PLEKHG2: variants seen among roughly 807,000 people sequenced by gnomAD.
PLEKHG2 encodes the protein pleckstrin homology and RhoGEF domain containing G2, also known as pleckstrin homology domain-containing family G member 2.
PLEKHG2 carries 71 observed loss-of-function variants against 104.4 expected under a neutral mutation model. That is an observed-to-expected ratio of 0.68 (90% CI 0.56 to 0.83). The LOEUF (loss-of-function observed/expected upper bound fraction) is 0.83, where lower values mean the gene tolerates loss of function less well. Ranked by LOEUF, PLEKHG2 falls within the 40% of genes least tolerant of loss-of-function variation. The pLI is 0.00. For synonymous variants in PLEKHG2, 728 were observed against 737.0 expected (o/e 0.99, Z 0.20); for missense variants, 1,730 against 1,809.4 (o/e 0.96, Z 0.80).
In PLEKHG2 at chr19:39,416,443, C is replaced by G. The variant is rs1172557726; in HGVS notation, c.546+29C>G. ...AGTGGAGGGGTGGGGGGCTCTCGGT[C>G]CTGGATGGGGCCTTTGTAGAGGGGG... On this transcript the variant is annotated intron_variant, in intron 5 of 18. Transcript: ENST00000425673. The surrounding 1 kb of genome is among the most constrained non-coding windows in gnomAD (Gnocchi z 4.5). 5 of 1,612,094 alleles carry G rather than the reference C, an allele frequency of 3.1e-6. No homozygotes were observed. The highest frequency in any genetic ancestry group is 4.2e-6 in the Non-Finnish European group (5 of 1,179,250).
Position 39,426,902 on chromosome 19 carries a change from G to A in PLEKHG2, c.*1608G>A, listed in dbSNP as rs1451193630. 1 of 150,736 alleles carries A rather than the reference G, an allele frequency of 6.6e-6. No homozygotes were observed. The highest frequency in any genetic ancestry group is 1.5e-5 in the Non-Finnish European group (1 of 67,906). 9.3% of individuals were successfully genotyped at this position (150,736 alleles called of 1,614,324 possible). ...TCTGTCACCCAGGCTTGAGTGCAGT[G>A]GCAAAATCTTGGCTCATTGCAACCT... On this transcript the variant is annotated 3_prime_UTR_variant, in exon 19 of 19. Transcript: ENST00000425673.
intron 8 of PLEKHG2, 25 bp from the exon 9 acceptor site, chr19:39,417,880 G>GGC: frequency 6.5e-7 from 1 of 1,528,772 alleles, no homozygotes; most frequent in Non-Finnish European, 8.8e-7. Flanking sequence ...TCTGCGCCCC[G>GGC]GCGCACCTGG....
Position 39,423,423 on chromosome 19 carries a change from T to G in PLEKHG2, c.2369T>G (p.Ile790Ser). 1 of 1,611,026 alleles carries G rather than the reference T, an allele frequency of 6.2e-7. No homozygotes were observed. The highest frequency in any genetic ancestry group is 8.5e-7 in the Non-Finnish European group (1 of 1,178,484). The stretch of plus-strand genomic sequence containing the variant: ...CCAGGCTTCCCAGAGCCACTGCTGA[T>G]CCTGGAGGATTCGGATCTGGGTGGA... ...ARPGFPEPLLILEDSDLGGDS... is the reference protein window; with the variant it reads ...ARPGFPEPLLSLEDSDLGGDS... The change falls in exon 18 of 19, where the codon ATC becomes AGC. Residue 790 changes from isoleucine to serine, a missense_variant. Ile to Ser is a moderately radical substitution (Grantham distance 142). Coordinates refer to ENST00000425673, the MANE Select transcript of PLEKHG2 (RefSeq NM_022835.3).
In PLEKHG2 at chr19:39,417,914, C is replaced by T. The variant is rs776165402; in HGVS notation, c.892C>T (p.Arg298Trp). 1.6e-5 allele frequency: 24 copies of T among 1,540,770 alleles called. No homozygotes were observed. Among genetic ancestry groups the T allele is most frequent in the African/African-American group, 4.1e-5 (3 of 72,926 alleles). The change falls in exon 9 of 19, where the codon CGG (arginine) becomes TGG (tryptophan). Residue 298 changes from arginine to tryptophan, a missense_variant. Coordinates refer to ENST00000425673, the MANE Select transcript of PLEKHG2 (RefSeq NM_022835.3). ...EHAARLQEVQ[R>W]RLGGWTGPEL... ...GGCGGGGTCCCGGCAGGAAGTGCAG[C>T]GGCGGCTGGGTGGCTGGACCGGACC...
intron 11 of PLEKHG2, among the ~76,000 whole-genome samples, chr19:39,419,740 G>A (rs183246825): frequency 6.6e-6 from 1 of 152,154 alleles, no homozygotes; most frequent in Non-Finnish European, 1.5e-5. Context: ...AGCCAGGCGT[G>A]GTGGCAGGTG....
chr19:39,421,254 TTCTC>T (rs773673039), intron 15 of PLEKHG2, 25 bp from the exon 16 acceptor site: 5 of 1,613,392 alleles, frequency 3.1e-6, no homozygotes, highest in East Asian at 2.2e-5. Flanking sequence ...TCACTAATGC[TTCTC>T]TCTCTCTCAT....
Position 39,415,795 on chromosome 19 carries a change from T to C in PLEKHG2, c.479+356T>C, listed in dbSNP as rs940968104. Among the ~76,000 whole-genome samples the C allele has an allele frequency of 6.6e-6, 1 of 152,106 alleles. No individual in the cohort carries two copies. The highest frequency in any genetic ancestry group is 1.5e-5 in the Non-Finnish European group (1 of 68,010). On this transcript the variant is annotated intron_variant, in intron 4 of 18. Transcript: ENST00000425673. This position sits in a 1 kb window ranked among gnomAD's most constrained non-coding sequence, Gnocchi z 4.6. Reference sequence around the variant, plus strand: ...CGGCATCAGGACGAGTCCTTGGGGCTGTGTCAGGTCTGGGCTCACGATGAA... The same window carrying C: ...CGGCATCAGGACGAGTCCTTGGGGCCGTGTCAGGTCTGGGCTCACGATGAA...
Position 39,422,251 on chromosome 19 carries a change from T to C in PLEKHG2, c.1640T>C (p.Leu547Pro). Residue 547 changes from leucine (L) to proline (P), a missense_variant, in exon 17 of 19, where the codon CTG (leucine) becomes CCG (proline). By Grantham distance (98) the Leu-to-Pro change is moderately conservative. Transcript: ENST00000425673. ...GGGACCTCAATCACTGAAGAAATCC[T>C]GGAACTGCTGAATCAGCGAGGCCTT... The part of the protein sequence containing the change: ...PSGTSITEEI[L>P]ELLNQRGLRD... 6.2e-7 allele frequency: 1 copy of C among 1,613,554 alleles called. No individual in the cohort carries two copies. Among genetic ancestry groups the C allele is most frequent in the East Asian group, 2.2e-5 (1 of 44,868 alleles).
chr19:39,415,020 C>G lies in PLEKHG2; in HGVS notation c.138C>G (p.Pro46=), dbSNP rs144626871. 4.7e-4 allele frequency: 754 copies of G among 1,597,982 alleles called. 4 individuals carry two copies. The East Asian group carries it at 0.016, about 34-fold the overall frequency. The change falls in exon 3 of 19, where the codon CCC becomes CCG. Residue 46 remains proline, a synonymous_variant. Transcript: ENST00000425673. The surrounding 1 kb of genome is among the most constrained non-coding windows in gnomAD (Gnocchi z 4.6). The part of the protein sequence containing the change: ...TAPAAPTMAS[P]RGSGSSTSLS... ...CTGCAGCCCCCACCATGGCCTCCCC[C>G]CGAGGTTCTGGGAGCTCCACATCCC...
At position 39,416,877 on chromosome 19, in the gene PLEKHG2, G is replaced by C. The variant is rs141195795; in HGVS notation, c.621G>C (p.Ser207=). 8.0e-4 allele frequency: 1,284 copies of C among 1,610,906 alleles called. 6 individuals carry two copies. Among genetic ancestry groups the C allele is most frequent in the Non-Finnish European group, 9.6e-4 (1,129 of 1,178,966 alleles). ...CCCTGGCCCTGCTCCGGGAGCTGTC[G>C]TTGTCTCCGCCAGCAGCCCTGTGGC... ...PSSLALLREL[S]LSPPAALWLQ... is the part of the protein sequence containing the mutation. The change falls in exon 7 of 19, where the codon TCG becomes TCC. Residue 207 remains serine (S), a synonymous_variant. Transcript: ENST00000425673. The surrounding 1 kb of genome is among the most constrained non-coding windows in gnomAD (Gnocchi z 4.5).
Position 39,422,851 on chromosome 19 carries a change from G to A in PLEKHG2, c.1797G>A (p.Glu599=). 1.3e-6 allele frequency: 2 copies of A among 1,569,442 alleles called. No homozygotes were observed. Among genetic ancestry groups the A allele is most frequent in the Non-Finnish European group, 1.7e-6 (2 of 1,156,096 alleles). Residue 599 remains glutamate, a synonymous_variant, in exon 18 of 19, where the codon GAG becomes GAA. Coordinates refer to ENST00000425673, the MANE Select transcript of PLEKHG2 (RefSeq NM_022835.3). ...CTTCAGAAGAGGAGGAGGAGGAAGA[G>A]GAAGGGCTGGAGATGGATGAACGGG... ...RDSSEEEEEE[E]EGLEMDERGP...
At chr19:39,421,025 G>C in intron 14 of PLEKHG2, 29 bp downstream of exon 14, 1 of 1,614,132 alleles carries the variant, frequency 6.2e-7, no homozygotes, top group Middle Eastern at 1.7e-4. Context: ...GGGTGATCCA[G>C]GCATCGGGGT....
rs1483588032 is a variant in PLEKHG2, at chr19:39,421,056, C to A, written c.1448-19C>A. ...GGGGTGGGAGCTGGGCTCCTGACAT[C>A]ACTGTGTCCTCCCCGCAGAGCCGGT... On this transcript the variant is annotated intron_variant, in intron 14 of 18. Coordinates refer to ENST00000425673, the MANE Select transcript of PLEKHG2 (RefSeq NM_022835.3). 6.2e-7 allele frequency: 1 copy of A among 1,614,074 alleles called. No homozygotes were observed. Among genetic ancestry groups the A allele is most frequent in the Non-Finnish European group, 8.5e-7 (1 of 1,180,030 alleles).
chr19:39,427,271 C>G lies in PLEKHG2; in HGVS notation c.*1977C>G, dbSNP rs545321296. ...CTCGATCTCCTGACCTCGTGATCCT[C>G]CCGCCTCGGCCTCCCAAAGTGCTGG... On this transcript the variant is annotated 3_prime_UTR_variant, in exon 19 of 19. Coordinates refer to ENST00000425673, the MANE Select transcript of PLEKHG2 (RefSeq NM_022835.3). The G allele has an allele frequency of 1.3e-5, 2 of 151,960 alleles. No homozygotes were observed. The highest frequency in any genetic ancestry group is 3.9e-4 in the East Asian group (2 of 5,172). 9.4% of individuals were successfully genotyped at this position (151,960 alleles called of 1,614,324 possible).
intron 11 of PLEKHG2, among the ~76,000 whole-genome samples, chr19:39,419,302 A>G (rs2078659777): frequency 6.6e-6 from 1 of 152,192 alleles, no homozygotes; most frequent in Non-Finnish European, 1.5e-5. Flanking sequence ...CTTGACCAAT[A>G]GAAGCACCCA....
At chr19:39,418,859 TC>T in intron 10 of PLEKHG2, 33 bp downstream of exon 10, 7 of 1,593,224 alleles carry the variant, frequency 4.4e-6, no homozygotes, top group Non-Finnish European at 6.0e-6. Flanking sequence ...CTGGCAGGGA[TC>T]CCCCAGCCTC....
rs373709429 is a variant in PLEKHG2, at chr19:39,417,618, A to G, written c.808A>G (p.Ile270Val). ...GGGTCGCGAGATGGTGGAGGAAGCT[A>G]TTGTGTCCATGACAGCGGTTGCCTG... is the stretch of plus-strand genomic sequence containing the variant. ...TGGREMVEEA[I>V]VSMTAVAWYI... The change falls in exon 8 of 19, where the codon ATT becomes GTT. Residue 270 changes from isoleucine to valine, a missense_variant. Coordinates refer to ENST00000425673, the MANE Select transcript of PLEKHG2 (RefSeq NM_022835.3). 1.2e-6 allele frequency: 2 copies of G among 1,613,930 alleles called. No individual in the cohort carries two copies. Among genetic ancestry groups the G allele is most frequent in the Non-Finnish European group, 8.5e-7 (1 of 1,179,996 alleles).
chr19:39,418,965 C>T lies in PLEKHG2; in HGVS notation c.1225C>T (p.Leu409Phe). Residue 409 changes from leucine to phenylalanine, a missense_variant, in exon 11 of 19, where the codon CTC becomes TTC. By Grantham distance (22) the Leu-to-Phe change is conservative. Transcript: ENST00000425673. ...GCTGTGGATTCACTGTCTCCAGCGC[C>T]TCTTCTTTGAGAACCACCCTGCCTC... Reference protein sequence around the residue: ...KRLWIHCLQRLFFENHPASIP... With the variant: ...KRLWIHCLQRFFFENHPASIP... The T allele has an allele frequency of 6.2e-7, 1 of 1,613,368 alleles. No homozygotes were observed. The highest frequency in any genetic ancestry group is 8.5e-7 in the Non-Finnish European group (1 of 1,179,822).
rs755601513 is a variant in PLEKHG2 at position 39,423,065 on chromosome 19, C to T, written c.2011C>T (p.Leu671Phe). Residue 671 changes from leucine (L) to phenylalanine (F), a missense_variant, in exon 18 of 19, where the codon CTT becomes TTT. Physicochemically the swap from Leu to Phe is conservative, Grantham distance 22 (BLOSUM62 0). Transcript: ENST00000425673. ...DISDVFEMPC[L>F]PAIPSVPNTP... ...TTCCGATGTTTTTGAGATGCCCTGCCTTCCAGCCATACCTAGTGTCCCCAA... is the reference window on the plus strand; with the variant it reads ...TTCCGATGTTTTTGAGATGCCCTGCTTTCCAGCCATACCTAGTGTCCCCAA... 3.1e-6 allele frequency: 5 copies of T among 1,614,076 alleles called. No individual in the cohort carries two copies. The highest frequency in any genetic ancestry group is 4.2e-6 in the Non-Finnish European group (5 of 1,180,044).
Sources: gnomAD v4.1 joint callset for allele counts (sites outside exome capture counted in the v4.1 genomes callset) on GRCh38, gnomAD v4.1.1 for gene constraint, Gnocchi (gnomAD v3.1) non-coding constraint, MANE v1.5 for transcripts, NCBI Gene and HGNC (gene_info 2026-07-23, HGNC 2026-07-21) for gene names.